GLIS3: variants seen among roughly 807,000 people sequenced by gnomAD.
GLIS3 encodes the protein zinc finger protein GLIS3.
GLIS3 carries 53 observed loss-of-function variants against 78.6 expected under a neutral mutation model. The ratio of observed to expected loss-of-function variants is 0.67; its 90% confidence interval spans 0.54 to 0.85. The LOEUF is 0.85. Among genes scored for constraint, GLIS3 ranks in the 40% least tolerant of loss-of-function variants. The pLI is 0.00. For missense variants in GLIS3, 1,703 were observed against 1,231.1 expected (o/e 1.38, Z -5.74); for synonymous variants, 684 against 509.9 (o/e 1.34, Z -4.60).
At chr9:4,416,826 T>TTTG in the GLIS3 span, among the ~76,000 whole-genome samples, 2 of 149,140 alleles carry the variant, frequency 1.3e-5, no homozygotes, top group African/African-American at 4.9e-5. Context: ...TTTTTTTTTT[T>TTTG]TTTTTTTTTT....
the GLIS3 span, among the ~76,000 whole-genome samples, chr9:4,458,745 A>T: frequency 6.6e-6 from 1 of 152,074 alleles, no homozygotes; most frequent in Non-Finnish European, 1.5e-5. Context: ...TTGTGGTGAG[A>T]TGAGATCGCA....
chr9:4,026,857 T>C (rs952301848), intron 4 of GLIS3, among the ~76,000 whole-genome samples: 1 of 152,144 alleles, frequency 6.6e-6, no homozygotes, highest in Non-Finnish European at 1.5e-5. Context: ...CCTCACAATA[T>C]CCTTTCAAGG....
intron 2 of GLIS3, among the ~76,000 whole-genome samples, chr9:4,166,504 G>A (rs977483755): frequency 6.6e-6 from 1 of 152,222 alleles, no homozygotes; most frequent in Non-Finnish European, 1.5e-5. Context: ...CATTCTTACA[G>A]CAAAGGGCAG....
intron 2 of GLIS3, among the ~76,000 whole-genome samples, chr9:4,183,542 C>G (rs1206224879): frequency 1.3e-5 from 2 of 152,174 alleles, no homozygotes; most frequent in Non-Finnish European, 2.9e-5. Flanking sequence ...TTTCTGAGCC[C>G]TAGTTCCTTG....
At chr9:4,465,810 A>C in the GLIS3 span, among the ~76,000 whole-genome samples, 2 of 152,236 alleles carry the variant, frequency 1.3e-5, no homozygotes, top group Non-Finnish European at 2.9e-5. Flanking sequence ...CTAACTAAGT[A>C]ACATGTGGTA....
intron 2 of GLIS3, among the ~76,000 whole-genome samples, chr9:4,196,138 T>C (rs1019396823): frequency 6.6e-6 from 1 of 152,062 alleles, no homozygotes; most frequent in Non-Finnish European, 1.5e-5. Context: ...CTAGCTAATC[T>C]AGTGGGGACT....
chr9:4,258,086 G>A (rs1053999019), intron 2 of GLIS3, among the ~76,000 whole-genome samples: 1 of 151,952 alleles, frequency 6.6e-6, no homozygotes, highest in Non-Finnish European at 1.5e-5. Flanking sequence ...CACAAAACTA[G>A]AACAGCAGTA....
chr9:3,865,082 A>G (rs1820482730), intron 8 of GLIS3, among the ~76,000 whole-genome samples: 1 of 152,124 alleles, frequency 6.6e-6, no homozygotes, highest in Admixed American at 6.6e-5. Context: ...TATTCAAGAG[A>G]ATGAGCCTAA....
At chr9:4,261,411 G>C (rs117322656) in intron 2 of GLIS3, among the ~76,000 whole-genome samples, 609 of 152,270 alleles carry the variant, frequency 4.0e-3, no homozygotes, top group Non-Finnish European at 6.8e-3. Flanking sequence ...AAGATAAAAA[G>C]AGAACAGAAG....
chr9:4,146,907 G>T (rs1334226622), intron 2 of GLIS3, among the ~76,000 whole-genome samples: 2 of 152,106 alleles, frequency 1.3e-5, no homozygotes, highest in African/African-American at 4.8e-5. Flanking sequence ...AGAGTATTAC[G>T]TTCGACTTTT....
intron 2 of GLIS3, among the ~76,000 whole-genome samples, chr9:4,266,214 G>A (rs1275547754): frequency 6.7e-6 from 1 of 149,984 alleles, no homozygotes; most frequent in Non-Finnish European, 1.5e-5. Context: ...CACCGCGCCT[G>A]GCCCGCACTC....
chr9:3,895,425 A>G (rs914565883), intron 7 of GLIS3, among the ~76,000 whole-genome samples: 2 of 152,214 alleles, frequency 1.3e-5, no homozygotes, highest in African/African-American at 4.8e-5. Context: ...CTCTCAGGTG[A>G]GCTCAGGAGC....
intron 4 of GLIS3, among the ~76,000 whole-genome samples, chr9:4,031,532 C>T (rs751900836): frequency 3.9e-5 from 6 of 152,042 alleles, no homozygotes; most frequent in Non-Finnish European, 8.8e-5. Context: ...TATCTTAGGG[C>T]GATGATAATG....
chr9:4,317,648 T>G (rs1817461374), intron 2 of GLIS3, among the ~76,000 whole-genome samples: 1 of 152,236 alleles, frequency 6.6e-6, no homozygotes, highest in African/African-American at 2.4e-5. Flanking sequence ...TAAATGTATC[T>G]TTTTTAAAAA....
At position 4,117,110 on chromosome 9, in the gene GLIS3, T is replaced by TC. The variant is rs566373036; in HGVS notation, c.1710+657dup. Among the ~76,000 whole-genome samples the TC allele has an allele frequency of 3.2e-3, 489 of 152,268 alleles. 1 individual carries two copies. Among genetic ancestry groups the TC allele is most frequent in the Middle Eastern group, 0.01 (3 of 294 alleles). On this transcript the variant is annotated intron_variant, in intron 4 of 10. Coordinates refer to ENST00000381971, the MANE Select transcript of GLIS3 (RefSeq NM_001042413.2). Reference sequence around the variant, plus strand: ...CCCACTTCCCTCAGCACCAAAGGCTTCCCTGCTCTTTCTCCTCATATCTCT... The same window carrying TC: ...CCCACTTCCCTCAGCACCAAAGGCTTCCCCTGCTCTTTCTCCTCATATCTCT...
intron 6 of GLIS3, among the ~76,000 whole-genome samples, chr9:3,905,829 C>T (rs1395631509): frequency 1.3e-5 from 2 of 152,152 alleles, no homozygotes; most frequent in Non-Finnish European, 2.9e-5. Flanking sequence ...TCCTCTTCCC[C>T]ATTCTTCCAC....
chr9:4,279,917 G>A (rs1238212454), intron 2 of GLIS3, among the ~76,000 whole-genome samples: 1 of 151,262 alleles, frequency 6.6e-6, no homozygotes, highest in African/African-American at 2.4e-5. Context: ...AGCTATAAAG[G>A]ACAATTAGAT....
At chr9:3,999,130 G>A (rs1820952063) in intron 4 of GLIS3, among the ~76,000 whole-genome samples, 1 of 152,048 alleles carries the variant, frequency 6.6e-6, no homozygotes, top group African/African-American at 2.4e-5. Context: ...TAATTTTACA[G>A]CTTCATAGTA....
At chr9:4,414,712 C>T in the GLIS3 span, among the ~76,000 whole-genome samples, 4 of 152,160 alleles carry the variant, frequency 2.6e-5, no homozygotes, top group Admixed American at 2.6e-4. Context: ...TTTGAAAATT[C>T]CAGTCTTAGC....
Sources: gnomAD v4.1 joint callset for allele counts (sites outside exome capture counted in the v4.1 genomes callset) on GRCh38, gnomAD v4.1.1 for gene constraint, MANE v1.5 for transcripts, NCBI Gene and HGNC (gene_info 2026-07-23, HGNC 2026-07-21) for gene names.